SLC26A7: variants seen among roughly 807,000 people sequenced by gnomAD.
The protein encoded by SLC26A7 is anion exchange transporter.
In SLC26A7, 59 loss-of-function variants were observed where a neutral mutation model predicts 82.5. That is an observed-to-expected ratio of 0.72 (90% CI 0.58 to 0.89). The LOEUF is 0.89. Ranked by LOEUF, SLC26A7 falls within the 40% of genes least tolerant of loss-of-function variation. SLC26A7 has a pLI of 0.00. For missense variants in SLC26A7, 820 were observed against 793.0 expected (o/e 1.03, Z -0.41); for synonymous variants, 271 against 274.3 (o/e 0.99, Z 0.12).
chr8:91,265,692 GA>G (rs1811091785), intron 2 of SLC26A7, among the ~76,000 whole-genome samples: 1 of 151,804 alleles, frequency 6.6e-6, no homozygotes, highest in Non-Finnish European at 1.5e-5. Context: ...GTATGTCTTT[GA>G]AAAAATGTTT....
At position 91,393,823 on chromosome 8, in the gene SLC26A7, T is replaced by C. The variant is rs1230629576; in HGVS notation, c.1803T>C (p.Ser601=). The C allele has an allele frequency of 6.2e-7, 1 of 1,613,504 alleles. No individual in the cohort carries two copies. Among genetic ancestry groups the C allele is most frequent in the Non-Finnish European group, 8.5e-7 (1 of 1,179,616 alleles). The part of the protein sequence containing the change: ...VEVYMDCKGR[S]VDVLLAHCTA... ...TTTACATGGACTGTAAAGGCAGGAG[T>C]GTGGATGTATTGTTAGCCCATTGTA... is the stretch of plus-strand genomic sequence containing the variant. The change falls in exon 17 of 19, where the codon AGT becomes AGC. Residue 601 remains serine (S), a synonymous_variant. Transcript: ENST00000276609.
intron 4 of SLC26A7, among the ~76,000 whole-genome samples, chr8:91,309,643 G>A (rs1410093656): frequency 1.3e-5 from 2 of 151,926 alleles, no homozygotes; most frequent in African/African-American, 2.4e-5. Flanking sequence ...CAGAAGGAGA[G>A]ACCAAGGCAA....
Position 91,340,420 on chromosome 8 carries a change from G to T in SLC26A7, c.895G>T (p.Ala299Ser). 1.2e-6 allele frequency: 2 copies of T among 1,613,802 alleles called. No homozygotes were observed. Among genetic ancestry groups the T allele is most frequent in the Non-Finnish European group, 1.7e-6 (2 of 1,179,838 alleles). Residue 299 changes from alanine (A) to serine (S), a missense_variant, in exon 8 of 19, where the codon GCT (alanine) becomes TCT (serine). By Grantham distance (99) the Ala-to-Ser change is moderately conservative. Transcript: ENST00000276609. ...HIPQGIPSPR[A>S]PPMNILSAVI... is the part of the protein sequence containing the mutation. Reference sequence around the variant, plus strand: ...TTTCCACAGAATTCCCTCACCTAGAGCTCCCCCGATGAACATCCTCTCTGC... The same window carrying T: ...TTTCCACAGAATTCCCTCACCTAGATCTCCCCCGATGAACATCCTCTCTGC...
At chr8:91,257,900 A>G (rs1006078893) in intron 2 of SLC26A7, among the ~76,000 whole-genome samples, 1 of 152,096 alleles carries the variant, frequency 6.6e-6, no homozygotes, top group Non-Finnish European at 1.5e-5. Flanking sequence ...ACAGTTCCAC[A>G]TGGCTGGGAG....
At chr8:91,332,982 C>T (rs1373988823) in intron 5 of SLC26A7, among the ~76,000 whole-genome samples, 4 of 152,006 alleles carry the variant, frequency 2.6e-5, no homozygotes, top group Non-Finnish European at 4.4e-5. Flanking sequence ...GTTAAATTTC[C>T]AGACAACAAA....
upstream of SLC26A7, among the ~76,000 whole-genome samples, chr8:91,248,614 G>C (rs1254489428): frequency 6.6e-6 from 1 of 151,976 alleles, no homozygotes; most frequent in Admixed American, 6.6e-5. Context: ...TTGACAGTCT[G>C]TTCTATTATA....
intron 11 of SLC26A7, among the ~76,000 whole-genome samples, chr8:91,357,573 C>A (rs1448047827): frequency 6.6e-6 from 1 of 152,112 alleles, no homozygotes; most frequent in Non-Finnish European, 1.5e-5. Flanking sequence ...AAAGCTGAAA[C>A]TAATCCCTTC....
At chr8:91,231,955 A>G (rs1013017344) in intron 2 of SLC26A7, among the ~76,000 whole-genome samples, 13 of 152,108 alleles carry the variant, frequency 8.5e-5, no homozygotes, top group Non-Finnish European at 1.9e-4. Flanking sequence ...TCTTTGTGTC[A>G]TTTTTTAGAA....
chr8:91,351,747 C>G (rs1403699345), intron 9 of SLC26A7, 63 bp from the exon 10 acceptor site: 1 of 1,117,710 alleles, frequency 8.9e-7, no homozygotes, highest in Non-Finnish European at 1.4e-6. Flanking sequence ...CACCCCATAA[C>G]TTTGACATAA....
chr8:91,229,137 T>C (rs1810279295), intron 2 of SLC26A7, among the ~76,000 whole-genome samples: 1 of 152,204 alleles, frequency 6.6e-6, no homozygotes, highest in Non-Finnish European at 1.5e-5. Flanking sequence ...TCTCTCCATA[T>C]GTTATTTCCT....
At chr8:91,395,021 G>A (rs1808530344) in intron 18 of SLC26A7, 41 bp from the exon 19 acceptor site, 1 of 1,589,442 alleles carries the variant, frequency 6.3e-7, no homozygotes, top group Non-Finnish European at 8.6e-7. Context: ...TTTAAGAGTT[G>A]AGTAAATAGC....
intron 2 of SLC26A7, among the ~76,000 whole-genome samples, chr8:91,261,064 T>C (rs1810950577): frequency 6.6e-6 from 1 of 152,132 alleles, no homozygotes; most frequent in Non-Finnish European, 1.5e-5. Flanking sequence ...ACAAACCAGT[T>C]ACCACAGGGA....
intron 14 of SLC26A7, among the ~76,000 whole-genome samples, chr8:91,368,461 T>C (rs1279457525): frequency 6.6e-6 from 1 of 150,572 alleles, no homozygotes; most frequent in Non-Finnish European, 1.5e-5. Flanking sequence ...TACTGTCACC[T>C]AGGCTGGAGT....
intron 2 of SLC26A7, among the ~76,000 whole-genome samples, chr8:91,223,767 GTTT>G (rs1240625900): frequency 6.6e-6 from 1 of 152,112 alleles, no homozygotes; most frequent in Non-Finnish European, 1.5e-5. Context: ...TCTGCAGTGT[GTTT>G]CCCAGCTTGT....
intron 2 of SLC26A7, among the ~76,000 whole-genome samples, chr8:91,235,515 T>C (rs1485237259): frequency 6.6e-6 from 1 of 152,102 alleles, no homozygotes; most frequent in Non-Finnish European, 1.5e-5. Flanking sequence ...GTGTAAGCCA[T>C]GAAATATTTA....
At chr8:91,212,262 C>A (rs1347196990) in intron 1 of SLC26A7, among the ~76,000 whole-genome samples, 1 of 152,030 alleles carries the variant, frequency 6.6e-6, no homozygotes. Context: ...AAATTCTTTC[C>A]AAACACTTGA....
chr8:91,267,307 G>A lies in SLC26A7; in HGVS notation c.193+17463G>A, dbSNP rs570688560. On this transcript the variant is annotated intron_variant, in intron 2 of 18. Transcript: ENST00000276609. ...TGGCAGTATTCTCTCCTCTTCAACT[G>A]TTTTGGAAGACTTTGAGAAGAATTG... 1.8e-4 allele frequency among the ~76,000 whole-genome samples: 28 copies of A among 151,946 alleles called. No homozygotes were observed. In the South Asian group the frequency reaches 5.8e-3, roughly 32 times the overall value.
intron 2 of SLC26A7, among the ~76,000 whole-genome samples, chr8:91,268,002 T>C (rs1187648455): frequency 6.6e-6 from 1 of 151,872 alleles, no homozygotes; most frequent in Non-Finnish European, 1.5e-5. Context: ...TCTTCATTGA[T>C]GCATTATTAT....
intron 6 of SLC26A7, among the ~76,000 whole-genome samples, chr8:91,335,682 C>T (rs781763292): frequency 7.9e-5 from 12 of 152,144 alleles, no homozygotes; most frequent in East Asian, 1.9e-4. Flanking sequence ...ATTCTTTATA[C>T]GTGTTATCCC....
Sources: allele counts gnomAD v4.1 joint callset (sites outside exome capture counted in the v4.1 genomes callset), GRCh38; gene constraint gnomAD v4.1.1; transcripts MANE v1.5; gene names NCBI Gene and HGNC (gene_info 2026-07-23, HGNC 2026-07-21).